The following SCN10A variants were observed in gnomAD, a reference collection of about 807,000 sequenced individuals.
SCN10A encodes the protein sodium channel protein type 10 subunit alpha.
SCN10A carries 162 observed loss-of-function variants against 170.7 expected under a neutral mutation model. The observed-to-expected ratio is 0.95, with a 90% confidence interval of 0.84 to 1.08. The LOEUF (loss-of-function observed/expected upper bound fraction) is 1.08. Among genes scored for constraint, SCN10A ranks in the 50% least tolerant of loss-of-function variants. The probability of loss-of-function intolerance (pLI) is 0.00; values close to 1 mark genes in which losing one functional copy is unlikely to be tolerated. For missense variants in SCN10A, 2,527 were observed against 2,436.9 expected, an observed-to-expected ratio of 1.04 and a Z score of -0.78; for synonymous variants, 985 against 904.6, an observed-to-expected ratio of 1.09 and a Z score of -1.59.
chr3:38,698,383 A>G lies in SCN10A; in HGVS notation c.4837T>C (p.Leu1613=), dbSNP rs756300662. 1.9e-6 allele frequency: 3 copies of G among 1,614,206 alleles called. No homozygotes were observed. The Admixed American group carries it at 5.0e-5, about 27-fold the overall frequency. Residue 1613 remains leucine, a synonymous_variant, in exon 28 of 28, where the codon TTG becomes CTG. Transcript: ENST00000449082. ...TAGATGAACATGACAAGGAATAGCA[A>G]CAGCCCGATGTTGAAGAGGGCAGGC... ...SLPALFNIGL[L]LFLVMFIYSI...
intron 1 of SCN10A, among the ~76,000 whole-genome samples, chr3:38,807,278 G>A (rs139601098): frequency 0.012 from 1,842 of 152,248 alleles, 20 homozygotes; most frequent in Non-Finnish European, 0.014. Context: ...TTTAATAACT[G>A]ATTAAGGTTT....
At chr3:38,741,782 A>G (rs2063635014) in intron 14 of SCN10A, among the ~76,000 whole-genome samples, 1 of 152,150 alleles carries the variant, frequency 6.6e-6, no homozygotes, top group Admixed American at 6.5e-5. Context: ...CCTTGTTTCC[A>G]TGTTTCCTCC....
At chr3:38,789,527 T>C (rs1236103850) in intron 3 of SCN10A, among the ~76,000 whole-genome samples, 1 of 152,162 alleles carries the variant, frequency 6.6e-6, no homozygotes, top group Non-Finnish European at 1.5e-5. Context: ...AACTTGGAGA[T>C]AAGTGAAGAG....
chr3:38,717,464 C>G (rs2063344833), intron 21 of SCN10A, among the ~76,000 whole-genome samples: 1 of 152,244 alleles, frequency 6.6e-6, no homozygotes, highest in Non-Finnish European at 1.5e-5. Context: ...AATAATTTTC[C>G]TTTCATTTAT....
chr3:38,717,489 T>C (rs1575946730), intron 21 of SCN10A, among the ~76,000 whole-genome samples: 1 of 152,256 alleles, frequency 6.6e-6, no homozygotes, highest in African/African-American at 2.4e-5. Flanking sequence ...AATTATTTCA[T>C]ATGCACAGAA....
At chr3:38,744,842 A>G (rs759084930) in intron 13 of SCN10A, among the ~76,000 whole-genome samples, 6 of 152,208 alleles carry the variant, frequency 3.9e-5, no homozygotes, top group Non-Finnish European at 7.3e-5. Context: ...GTGTTTTCAT[A>G]TACACATGTC....
chr3:38,781,036 G>A (rs77539009), intron 4 of SCN10A, among the ~76,000 whole-genome samples: 1 of 152,116 alleles, frequency 6.6e-6, no homozygotes, highest in Non-Finnish European at 1.5e-5. Context: ...AATTGGAAAG[G>A]TGAAACAGCT....
intron 12 of SCN10A, among the ~76,000 whole-genome samples, chr3:38,751,278 G>A (rs966535015): frequency 2.0e-5 from 3 of 152,158 alleles, no homozygotes; most frequent in Non-Finnish European, 4.4e-5. Flanking sequence ...CATCCCTTCA[G>A]CCTAGGCATG....
chr3:38,799,232 T>C (rs2064357849), intron 1 of SCN10A, among the ~76,000 whole-genome samples: 1 of 152,110 alleles, frequency 6.6e-6, no homozygotes, highest in Non-Finnish European at 1.5e-5. Flanking sequence ...TTTCCTTCCC[T>C]CTCTGGCCCC....
intron 1 of SCN10A, among the ~76,000 whole-genome samples, chr3:38,809,617 C>T (rs1300348941): frequency 6.6e-6 from 1 of 152,176 alleles, no homozygotes; most frequent in African/African-American, 2.4e-5. Flanking sequence ...GAGTCCCAGA[C>T]ACAGGTCTGT....
chr3:38,727,165 C>T (rs1183760434), intron 16 of SCN10A, 113 bp from the exon 17 acceptor site: 4 of 935,400 alleles, frequency 4.3e-6, no homozygotes, highest in South Asian at 1.6e-5. Context: ...CCTCTTCCTG[C>T]CCACCCGGGA....
rs1397250768 is a variant in SCN10A at position 38,697,531 on chromosome 3, A to T, written c.5689T>A (p.Phe1897Ile). Reference sequence around the variant, plus strand: ...AGTACACAATTTTCATTTGCTGTGAATGCAACAAAACCTTCATCTGGGAGT... The same window carrying T: ...AGTACACAATTTTCATTTGCTGTGATTGCAACAAAACCTTCATCTGGGAGT... ...ASLPDEGFVA[F>I]TANENCVLPD... Residue 1897 changes from phenylalanine to isoleucine, a missense_variant, in exon 28 of 28, where the codon TTC becomes ATC. Transcript: ENST00000449082. The T allele has an allele frequency of 6.2e-7, 1 of 1,614,080 alleles. No individual in the cohort carries two copies. The highest frequency in any genetic ancestry group is 8.5e-7 in the Non-Finnish European group (1 of 1,180,052).
chr3:38,706,763 C>T (rs748223187), intron 26 of SCN10A, among the ~76,000 whole-genome samples: 6 of 152,160 alleles, frequency 3.9e-5, no homozygotes, highest in Admixed American at 2.6e-4. Flanking sequence ...TCTTTAAACT[C>T]GAGTGGGATA....
chr3:38,802,498 TC>T (rs2064378866), intron 1 of SCN10A, among the ~76,000 whole-genome samples: 2 of 152,290 alleles, frequency 1.3e-5, no homozygotes, highest in African/African-American at 4.8e-5. Flanking sequence ...ACTTCATTAT[TC>T]TAGTAACTTA....
intron 1 of SCN10A, among the ~76,000 whole-genome samples, chr3:38,814,556 C>T (rs2064460349): frequency 6.6e-6 from 1 of 152,174 alleles, no homozygotes; most frequent in South Asian, 2.1e-4. Flanking sequence ...GTGAAAGACC[C>T]TTTACTACCA....
chr3:38,761,083 A>G, intron 7 of SCN10A, 109 bp downstream of exon 7: 1 of 880,886 alleles, frequency 1.1e-6, no homozygotes, highest in South Asian at 1.8e-5. Context: ...AGGAAAGGGG[A>G]GTCAAAATAT....
chr3:38,716,709 GA>G (rs1365127588), intron 21 of SCN10A, among the ~76,000 whole-genome samples: 1 of 152,182 alleles, frequency 6.6e-6, no homozygotes, highest in Non-Finnish European at 1.5e-5. Flanking sequence ...AAACAAACAA[GA>G]AAGGAAAAGT....
At chr3:38,790,363 A>AC (rs1452615096) in intron 3 of SCN10A, among the ~76,000 whole-genome samples, 4 of 151,556 alleles carry the variant, frequency 2.6e-5, no homozygotes, top group Admixed American at 6.6e-5. Flanking sequence ...TGAGGAAGAG[A>AC]CCCCCTCAAC....
intron 26 of SCN10A, among the ~76,000 whole-genome samples, chr3:38,704,017 C>T (rs1000105139): frequency 2.0e-5 from 3 of 152,200 alleles, no homozygotes; most frequent in African/African-American, 7.2e-5. Flanking sequence ...CTTTATTTGA[C>T]TAAATTCAAT....
Sources: gnomAD v4.1 joint callset for allele counts (sites outside exome capture counted in the v4.1 genomes callset) on GRCh38, gnomAD v4.1.1 for gene constraint, MANE v1.5 for transcripts, NCBI Gene and HGNC (gene_info 2026-07-23, HGNC 2026-07-21) for gene names.